The following TMEFF1 variants were observed in gnomAD, a reference collection of about 807,000 sequenced individuals.
TMEFF1 encodes the protein transmembrane protein with EGF like and two follistatin like domains 1, also known as tomoregulin-1.
TMEFF1 carries 20 observed loss-of-function variants against 47.5 expected under a neutral mutation model. That is an observed-to-expected ratio of 0.42 (90% CI 0.30 to 0.61). TMEFF1 has a LOEUF of 0.61. Ranked by LOEUF, TMEFF1 falls within the 20% of genes least tolerant of loss-of-function variation. The pLI, the probability that TMEFF1 is intolerant of heterozygous loss-of-function variation, is 0.19. For synonymous variants in TMEFF1, 162 were observed against 166.3 expected (o/e 0.97, Z 0.20); for missense variants, 411 against 471.1 (o/e 0.87, Z 1.18).
At chr9:100,552,703 T>G (rs1838846529) in intron 7 of TMEFF1, among the ~76,000 whole-genome samples, 1 of 152,074 alleles carries the variant, frequency 6.6e-6, no homozygotes, top group African/African-American at 2.4e-5. Flanking sequence ...AGACCTTGTC[T>G]CTAAACAAAA....
chr9:100,549,796 T>C (rs1279335942), intron 6 of TMEFF1, among the ~76,000 whole-genome samples: 1 of 152,192 alleles, frequency 6.6e-6, no homozygotes, highest in African/African-American at 2.4e-5. Context: ...GGTTTAACCC[T>C]TTCTTCTCAG....
In TMEFF1 at chr9:100,550,161, G is replaced by A. The variant is rs1333158546; in HGVS notation, c.775+1G>A. On this transcript the variant is annotated splice_donor_variant, in intron 7 of 9. Transcript: ENST00000374879. LOFTEE classifies it high-confidence loss of function. ...CTACAATATCGACCAGATGTGAAAG[G>A]TACTGAATCATGCATCTCCAAATTT... 6.2e-7 allele frequency: 1 copy of A among 1,609,904 alleles called. No individual in the cohort carries two copies. Among genetic ancestry groups the A allele is most frequent in the Non-Finnish European group, 8.5e-7 (1 of 1,178,520 alleles).
chr9:100,473,296 C>A lies in TMEFF1; in HGVS notation c.-249C>A, dbSNP rs1459700626. 1 of 157,580 alleles carries A rather than the reference C, an allele frequency of 6.3e-6. No homozygotes were observed. The highest frequency in any genetic ancestry group is 2.4e-5 in the African/African-American group (1 of 41,148). 9.8% of individuals were successfully genotyped at this position (157,580 alleles called of 1,614,324 possible). On this transcript the variant is annotated 5_prime_UTR_variant, in exon 1 of 10. Transcript: ENST00000374879. The surrounding 1 kb of genome is among the most constrained non-coding windows in gnomAD (Gnocchi z 5.4). Reference sequence around the variant, plus strand: ...CGCCGCGGTGTCCCCCACGCCGGCTCGCACCCTCGCGCGCACCCTTGCGCG... The same window carrying A: ...CGCCGCGGTGTCCCCCACGCCGGCTAGCACCCTCGCGCGCACCCTTGCGCG...
chr9:100,536,417 A>C (rs1437973322), intron 5 of TMEFF1, among the ~76,000 whole-genome samples: 1 of 152,182 alleles, frequency 6.6e-6, no homozygotes, highest in Non-Finnish European at 1.5e-5. Context: ...AAAAAAAACG[A>C]AGAGAAATAT....
intron 2 of TMEFF1, among the ~76,000 whole-genome samples, chr9:100,505,410 CAAAAAAAAAAAA>C (rs60312984): frequency 7.6e-5 from 2 of 26,444 alleles, no homozygotes; most frequent in African/African-American, 1.7e-4. Flanking sequence ...GACCCTGTCT[CAAAAAAAAAAAA>C]AAAAAAAAAA....
At chr9:100,518,331 A>G in intron 5 of TMEFF1, 1 of 516,804 alleles carries the variant, frequency 1.9e-6, no homozygotes, top group Non-Finnish European at 2.5e-6. Flanking sequence ...TATGTAGCCT[A>G]TTCCCAATCA....
chr9:100,540,898 C>G (rs943787856), intron 5 of TMEFF1, among the ~76,000 whole-genome samples: 1 of 151,906 alleles, frequency 6.6e-6, no homozygotes, highest in African/African-American at 2.4e-5. Context: ...CTCCCCTTTC[C>G]CATTGATCAC....
chr9:100,565,125 A>G (rs1455312797), intron 8 of TMEFF1, among the ~76,000 whole-genome samples: 1 of 152,126 alleles, frequency 6.6e-6, no homozygotes, highest in East Asian at 1.9e-4. Flanking sequence ...GCTGCTGGAT[A>G]TATTTTAGTT....
chr9:100,503,645 T>C (rs1837807238), intron 2 of TMEFF1, among the ~76,000 whole-genome samples: 1 of 151,996 alleles, frequency 6.6e-6, no homozygotes, highest in Admixed American at 6.6e-5. Context: ...AGTCCTACAG[T>C]CCGTCATCTG....
Position 100,572,635 on chromosome 9 carries a change from A to G in TMEFF1, c.1017A>G (p.Val339=). The change falls in exon 9 of 10, where the codon GTA becomes GTG. Residue 339 remains valine, a synonymous_variant. Coordinates refer to ENST00000374879, the MANE Select transcript of TMEFF1 (RefSeq NM_003692.5). ...TTATTGCAGCAATTATTGGAGCTGT[A>G]CAGATTGCCATCATAGTAGCAATTG... is the stretch of plus-strand genomic sequence containing the variant. ...HVLIAAIIGA[V]QIAIIVAIVM... The G allele has an allele frequency of 6.2e-7, 1 of 1,613,046 alleles. No homozygotes were observed. The highest frequency in any genetic ancestry group is 8.5e-7 in the Non-Finnish European group (1 of 1,179,578).
chr9:100,501,595 CAT>C (rs1320796321), intron 2 of TMEFF1, among the ~76,000 whole-genome samples: 1 of 151,964 alleles, frequency 6.6e-6, no homozygotes, highest in Non-Finnish European at 1.5e-5. Context: ...TTCATTAACT[CAT>C]AAACTCTCAA....
At chr9:100,519,641 C>T (rs117288098) in intron 5 of TMEFF1, among the ~76,000 whole-genome samples, 3 of 137,950 alleles carry the variant, frequency 2.2e-5, no homozygotes, top group South Asian at 2.4e-4. Context: ...GACTGCTGCC[C>T]AGTGACTTTT....
chr9:100,537,245 A>G (rs1404797172), intron 5 of TMEFF1, among the ~76,000 whole-genome samples: 1 of 152,228 alleles, frequency 6.6e-6, no homozygotes, highest in African/African-American at 2.4e-5. Flanking sequence ...CAGTTAAGGT[A>G]ATAGCTTCTC....
chr9:100,489,593 A>T (rs1485051988), intron 1 of TMEFF1, among the ~76,000 whole-genome samples: 1 of 152,254 alleles, frequency 6.6e-6, no homozygotes, highest in Non-Finnish European at 1.5e-5. Flanking sequence ...AAAAATACAG[A>T]ATAATGAAGA....
At chr9:100,506,053 A>G (rs1837854387) in intron 2 of TMEFF1, among the ~76,000 whole-genome samples, 1 of 152,228 alleles carries the variant, frequency 6.6e-6, no homozygotes, top group African/African-American at 2.4e-5. Flanking sequence ...TAATTTTAAG[A>G]AAAGTTGGTG....
At chr9:100,529,925 C>G (rs1487258338) in intron 5 of TMEFF1, among the ~76,000 whole-genome samples, 2 of 152,128 alleles carry the variant, frequency 1.3e-5, no homozygotes, top group Non-Finnish European at 2.9e-5. Context: ...AACTAGAACT[C>G]AGGATTAAGA....
intron 7 of TMEFF1, among the ~76,000 whole-genome samples, chr9:100,559,824 T>C (rs1838981444): frequency 2.0e-5 from 3 of 152,154 alleles, no homozygotes; most frequent in Admixed American, 6.6e-5. Flanking sequence ...TTAGGTCTAT[T>C]CTCTTTCTAG....
intron 1 of TMEFF1, among the ~76,000 whole-genome samples, chr9:100,482,125 A>G (rs1837349360): frequency 6.6e-6 from 1 of 151,828 alleles, no homozygotes; most frequent in Non-Finnish European, 1.5e-5. Context: ...GCCATTAAAA[A>G]TCTGGAGGTT....
chr9:100,547,190 A>T (rs983605403), intron 5 of TMEFF1, among the ~76,000 whole-genome samples: 14 of 151,702 alleles, frequency 9.2e-5, no homozygotes, highest in Admixed American at 6.6e-4. Flanking sequence ...TAAGTTTTTT[A>T]TTTTTTGTAG....
Sources: gnomAD v4.1 joint callset for allele counts (sites outside exome capture counted in the v4.1 genomes callset) on GRCh38, gnomAD v4.1.1 for gene constraint, Gnocchi (gnomAD v3.1) non-coding constraint, MANE v1.5 for transcripts, NCBI Gene and HGNC (gene_info 2026-07-23, HGNC 2026-07-21) for gene names.